ZBED6: variants seen among roughly 807,000 people sequenced by gnomAD.
ZBED6 encodes the protein zinc finger BED domain-containing protein 6.
A neutral mutation model predicts 58.4 loss-of-function variants in ZBED6; 40 were observed. The observed-to-expected ratio is 0.68, with a 90% CI of 0.53 to 0.89. The LOEUF is 0.89. Ranked by LOEUF, ZBED6 falls within the 40% of genes least tolerant of loss-of-function variation. ZBED6 has a pLI of 0.00. For synonymous variants in ZBED6, 439 were observed against 350.6 expected (o/e 1.25, Z -2.82); for missense variants, 1,057 against 1,003.9 (o/e 1.05, Z -0.71).
intron 2 of ZBED6, among the ~76,000 whole-genome samples, chr1:203,817,628 T>C (rs149870968): frequency 6.6e-6 from 1 of 152,232 alleles, no homozygotes; most frequent in African/African-American, 2.4e-5. Flanking sequence ...TTGTCAAAAC[T>C]TCTGTTTTTC....
At position 203,845,080 on chromosome 1, in the gene ZBED6, TTGAC is replaced by T. The variant is rs1213892098; in HGVS notation, c.*3742-2101_*3742-2098del. ...GTTAACCCAAGTTTGACAGTTTCCT[TTGAC>T]TGTATTGGGAGGAACAGAACTCACG... On this transcript the variant is annotated intron_variant, in intron 11 of 16. Coordinates refer to ENST00000550078, the Ensembl canonical transcript of ZBED6. Among the ~76,000 whole-genome samples the T allele has an allele frequency of 3.9e-5, 6 of 152,270 alleles. 1 individual carries two copies. Among genetic ancestry groups the T allele is most frequent in the Non-Finnish European group, 8.8e-5 (6 of 68,018 alleles).
chr1:203,824,970 G>A (rs1160151423), intron 3 of ZBED6, among the ~76,000 whole-genome samples: 4 of 151,652 alleles, frequency 2.6e-5, no homozygotes, highest in African/African-American at 4.8e-5. Context: ...CCAGCTACTC[G>A]GGAGGCTGAG....
intron 7 of ZBED6, among the ~76,000 whole-genome samples, chr1:203,831,332 T>A (rs757083981): frequency 2.6e-5 from 4 of 152,190 alleles, no homozygotes; most frequent in African/African-American, 9.7e-5. Context: ...TAGGTTGGAT[T>A]GATACACCTG....
intron 8 of ZBED6, among the ~76,000 whole-genome samples, chr1:203,832,960 G>T (rs771124466): frequency 6.6e-6 from 1 of 152,286 alleles, no homozygotes; most frequent in South Asian, 2.1e-4. Context: ...TAGGCTGTGC[G>T]CAGTGGCTTA....
At position 203,808,692 on chromosome 1, in the gene ZBED6, A is replaced by G. The variant is rs549193246; in HGVS notation, c.*2554+5676A>G. 2.0e-5 allele frequency among the ~76,000 whole-genome samples: 3 copies of G among 152,236 alleles called. No homozygotes were observed. The East Asian group carries it at 5.8e-4, about 29-fold the overall frequency. ...AGTAATCTCTTGTAATTCAGTTATT[A>G]TGTTTTTCATCAGTGTTTATTCTGT... On this transcript the variant is annotated intron_variant, in intron 1 of 16. Coordinates refer to ENST00000550078, the Ensembl canonical transcript of ZBED6.
chr1:203,844,704 A>G (rs1440001802), intron 11 of ZBED6, among the ~76,000 whole-genome samples: 1 of 152,078 alleles, frequency 6.6e-6, no homozygotes, highest in Admixed American at 6.5e-5. Context: ...AGGGTGTACT[A>G]ACAGGCAGCT....
At chr1:203,814,661 A>G (rs1189087924) in intron 1 of ZBED6, among the ~76,000 whole-genome samples, 1 of 152,158 alleles carries the variant, frequency 6.6e-6, no homozygotes, top group African/African-American at 2.4e-5. Context: ...GGCCTTTTCT[A>G]TCAAGTACCT....
At chr1:203,797,173 G>A (rs1399090444) in exon 1 of ZBED6, 1 of 168,240 alleles carries the variant, frequency 5.9e-6, no homozygotes, top group Admixed American at 6.2e-5. Context: ...ACATGGATCT[G>A]GGATTTGGAA....
intron 3 of ZBED6, among the ~76,000 whole-genome samples, chr1:203,822,778 A>G (rs1679211799): frequency 6.6e-6 from 1 of 152,164 alleles, no homozygotes; most frequent in African/African-American, 2.4e-5. Context: ...CCAGTTCCAC[A>G]TGGTCATGTG....
At chr1:203,808,046 T>C (rs1672986900) in intron 1 of ZBED6, among the ~76,000 whole-genome samples, 1 of 152,166 alleles carries the variant, frequency 6.6e-6, no homozygotes, top group Non-Finnish European at 1.5e-5. Flanking sequence ...CTGGCCTGTT[T>C]TGTTTTTTTT....
At chr1:203,852,049 A>C in intron 16 of ZBED6, 92 bp from the exon 17 acceptor site, 2 of 1,459,592 alleles carry the variant, frequency 1.4e-6, no homozygotes, top group Non-Finnish European at 1.9e-6. Flanking sequence ...TCTTAAAAAC[A>C]AATTTTTGCT....
At chr1:203,799,146 G>C (rs1425839675) in exon 1 of ZBED6, 3 of 1,488,280 alleles carry the variant, frequency 2.0e-6, no homozygotes, top group African/African-American at 2.8e-5. Context: ...TATTTTACAA[G>C]AATTAAATGA....
exon 5 of ZBED6, chr1:203,829,559 G>A (rs1353817681): frequency 6.2e-7 from 1 of 1,613,990 alleles, no homozygotes; most frequent in Non-Finnish European, 8.5e-7. Context: ...CCTCAGCTGC[G>A]GAGCGTTATG....
chr1:203,843,813 A>T (rs1687137943), intron 11 of ZBED6, among the ~76,000 whole-genome samples: 1 of 151,238 alleles, frequency 6.6e-6, no homozygotes, highest in African/African-American at 2.4e-5. Context: ...TTTTTCAAGA[A>T]CTTTCTTTGT....
intron 1 of ZBED6, chr1:203,805,512 C>G (rs918956371): frequency 1.7e-5 from 8 of 474,478 alleles, no homozygotes; most frequent in Admixed American, 2.6e-5. Flanking sequence ...TGTAATTAAA[C>G]TTTCCTTCAA....
chr1:203,835,276 A>G (rs1253687834), intron 9 of ZBED6, among the ~76,000 whole-genome samples: 1 of 152,248 alleles, frequency 6.6e-6, no homozygotes, highest in African/African-American at 2.4e-5. Context: ...AATCCTTGGC[A>G]ACCATGAGTA....
chr1:203,813,579 A>G (rs142454602), intron 1 of ZBED6, among the ~76,000 whole-genome samples: 110 of 152,272 alleles, frequency 7.2e-4, no homozygotes, highest in Non-Finnish European at 1.5e-3. Context: ...TGTTATCTGT[A>G]TTAGTTCCTA....
chr1:203,826,135 T>TA (rs914733369), intron 3 of ZBED6, among the ~76,000 whole-genome samples: 13 of 152,268 alleles, frequency 8.5e-5, no homozygotes, highest in African/African-American at 2.9e-4. Context: ...TATTCCTGTC[T>TA]AAAAAACAGT....
intron 8 of ZBED6, among the ~76,000 whole-genome samples, chr1:203,832,337 A>G (rs1682654522): frequency 6.6e-6 from 1 of 150,838 alleles, no homozygotes; most frequent in African/African-American, 2.4e-5. Context: ...CTGGGATTAC[A>G]GGTGTGAGCC....
Sources: allele counts gnomAD v4.1 joint callset (sites outside exome capture counted in the v4.1 genomes callset), GRCh38; gene constraint gnomAD v4.1.1; transcripts MANE v1.5; gene names NCBI Gene and HGNC (gene_info 2026-07-23, HGNC 2026-07-21).